Variants in GRID2 observed in about 807,000 individuals in gnomAD.
GRID2 encodes glutamate ionotropic receptor delta type subunit 2.
GRID2 carries 33 observed loss-of-function variants against 114.8 expected under a neutral mutation model. That is an observed-to-expected ratio of 0.29 (90% CI 0.22 to 0.38). The LOEUF is 0.38. Among genes scored for constraint, GRID2 ranks in the 10% least tolerant of loss-of-function variants. GRID2 has a pLI of 1.00. For missense variants in GRID2, 1,184 were observed against 1,257.7 expected, an observed-to-expected ratio of 0.94 and a Z score of 0.89; for synonymous variants, 505 against 449.9, an observed-to-expected ratio of 1.12 and a Z score of -1.55.
rs59030246 is a variant in GRID2, at chr4:93,760,225, T to C, written c.2361-8985T>C. Among the ~76,000 whole-genome samples the C allele has an allele frequency of 2.8e-3, 431 of 152,344 alleles. 5 individuals carry two copies. Among genetic ancestry groups the C allele is most frequent in the African/African-American group, 9.7e-3 (404 of 41,574 alleles). On this transcript the variant is annotated intron_variant, in intron 14 of 15. Transcript: ENST00000282020. ...ATGCACTGTTTTGAAAAGGCCTTTA[T>C]AAACTGCAGCATCATGCATGTGTTT...
Position 93,050,335 on chromosome 4 carries a change from C to G in GRID2, c.245-34660C>G, listed in dbSNP as rs535696049. 1.2e-3 allele frequency among the ~76,000 whole-genome samples: 187 copies of G among 152,174 alleles called. 1 individual carries two copies. The highest frequency in any genetic ancestry group is 4.1e-3 in the African/African-American group (172 of 41,550). On this transcript the variant is annotated intron_variant, in intron 2 of 15. Transcript: ENST00000282020. ...AGAGAGTCATTGACTGAAATGTCTT[C>G]TATCCTCGTTGCTTTTTTAAAAAAA...
chr4:92,335,178 C>A (rs1388098575), intron 1 of GRID2, among the ~76,000 whole-genome samples: 1 of 152,152 alleles, frequency 6.6e-6, no homozygotes. Context: ...GTTTTAACTT[C>A]AGAGTTAGCA....
chr4:93,114,533 T>C (rs1733061701), intron 4 of GRID2, among the ~76,000 whole-genome samples: 1 of 152,174 alleles, frequency 6.6e-6, no homozygotes, highest in South Asian at 2.1e-4. Context: ...GGACCAGTTA[T>C]TCCACAGGCA....
intron 3 of GRID2, among the ~76,000 whole-genome samples, chr4:93,099,948 T>C (rs1731557561): frequency 6.6e-6 from 1 of 151,918 alleles, no homozygotes; most frequent in Admixed American, 6.6e-5. Flanking sequence ...TGTTTTCAAA[T>C]GTCTGATGAC....
At chr4:93,092,839 T>A (rs1250007847) in intron 3 of GRID2, among the ~76,000 whole-genome samples, 2 of 151,854 alleles carry the variant, frequency 1.3e-5, no homozygotes, top group African/African-American at 4.8e-5. Flanking sequence ...TATACATATA[T>A]ACATACACAC....
chr4:92,752,049 C>T (rs1046859950), intron 2 of GRID2, among the ~76,000 whole-genome samples: 2 of 152,158 alleles, frequency 1.3e-5, no homozygotes, highest in Non-Finnish European at 2.9e-5. Context: ...AACACACCCA[C>T]GAAGCTACAG....
At chr4:93,074,711 C>A (rs1024878369) in intron 2 of GRID2, among the ~76,000 whole-genome samples, 1 of 152,086 alleles carries the variant, frequency 6.6e-6, no homozygotes, top group African/African-American at 2.4e-5. Flanking sequence ...AAAGCTGTTT[C>A]TTTGAGAAAA....
At chr4:93,531,859 A>G (rs1253164867) in intron 13 of GRID2, among the ~76,000 whole-genome samples, 1 of 152,068 alleles carries the variant, frequency 6.6e-6, no homozygotes, top group African/African-American at 2.4e-5. Context: ...TTTCATATTT[A>G]TGTTTATTTT....
At chr4:93,727,666 C>A (rs1009580245) in intron 14 of GRID2, among the ~76,000 whole-genome samples, 4 of 152,148 alleles carry the variant, frequency 2.6e-5, no homozygotes, top group African/African-American at 9.7e-5. Flanking sequence ...ATTTCAGATC[C>A]TGTTACTGGT....
chr4:93,187,838 A>C (rs924796818), intron 4 of GRID2, among the ~76,000 whole-genome samples: 4 of 152,238 alleles, frequency 2.6e-5, no homozygotes, highest in African/African-American at 9.6e-5. Context: ...CAAGTCCAAA[A>C]TGTAATGTTG....
At chr4:92,510,686 A>T (rs113936282) in intron 1 of GRID2, among the ~76,000 whole-genome samples, 1 of 151,940 alleles carries the variant, frequency 6.6e-6, no homozygotes, top group African/African-American at 2.4e-5. Flanking sequence ...AATAAGTCAT[A>T]GTATGTTACG....
rs1373197722 is a variant in GRID2, at chr4:92,403,607, G to A, written c.88+98863G>A. ...CTCAGGAGGCTGAGACAGGAGAATC[G>A]CTTGAACCCGGGAGGCAGAGGTTGC... On this transcript the variant is annotated intron_variant, in intron 1 of 15. Transcript: ENST00000282020. 8.6e-5 allele frequency among the ~76,000 whole-genome samples: 13 copies of A among 151,866 alleles called. 1 individual carries two copies. The South Asian group carries it at 2.5e-3, about 29-fold the overall frequency.
At chr4:93,617,985 C>G (rs989852048) in intron 13 of GRID2, among the ~76,000 whole-genome samples, 1 of 150,662 alleles carries the variant, frequency 6.6e-6, no homozygotes, top group Admixed American at 6.6e-5. Flanking sequence ...TACTACCCCC[C>G]CTAACCTTCT....
At chr4:92,428,217 A>C (rs189857072) in intron 1 of GRID2, among the ~76,000 whole-genome samples, 2 of 152,034 alleles carry the variant, frequency 1.3e-5, no homozygotes, top group South Asian at 2.1e-4. Context: ...AGCTGAGATC[A>C]CGCCACTGCA....
intron 8 of GRID2, among the ~76,000 whole-genome samples, chr4:93,286,403 A>G (rs1040479558): frequency 2.6e-5 from 4 of 152,180 alleles, no homozygotes; most frequent in African/African-American, 4.8e-5. Flanking sequence ...GTACTTATTT[A>G]CAAATTCATC....
intron 1 of GRID2, among the ~76,000 whole-genome samples, chr4:92,437,506 T>A: frequency 6.6e-6 from 1 of 152,184 alleles, no homozygotes; most frequent in East Asian, 1.9e-4. Context: ...TGGCCTCAAG[T>A]GATCTGCCTG....
At chr4:92,580,891 T>C (rs1380945485) in intron 1 of GRID2, among the ~76,000 whole-genome samples, 3 of 111,936 alleles carry the variant, frequency 2.7e-5, no homozygotes, top group African/African-American at 3.8e-5. Context: ...TGCCTATTTG[T>C]TTTTTTTTTT....
intron 1 of GRID2, among the ~76,000 whole-genome samples, chr4:92,395,314 A>G (rs985250449): frequency 1.3e-5 from 2 of 151,862 alleles, no homozygotes; most frequent in Admixed American, 1.3e-4. Flanking sequence ...GTGGGAAGAC[A>G]ATGAATAAGT....
chr4:93,343,448 C>T (rs568926959), intron 8 of GRID2, among the ~76,000 whole-genome samples: 5 of 151,858 alleles, frequency 3.3e-5, no homozygotes, highest in Admixed American at 6.6e-5. Context: ...TTCAACTGTA[C>T]GCTTCATAAG....
Sources: gnomAD v4.1 joint callset for allele counts (sites outside exome capture counted in the v4.1 genomes callset) on GRCh38, gnomAD v4.1.1 for gene constraint, MANE v1.5 for transcripts, NCBI Gene and HGNC (gene_info 2026-07-23, HGNC 2026-07-21) for gene names.